The following DRC8 variants were observed in gnomAD, a reference collection of about 807,000 sequenced individuals.
The protein encoded by DRC8 is dynein regulatory complex protein 8.
At chr1:244,971,643 A>G in the DRC8 span, among the ~76,000 whole-genome samples, 3 of 152,176 alleles carry the variant, frequency 2.0e-5, no homozygotes, top group Non-Finnish European at 1.5e-5. Context: ...TGCTCAAAAC[A>G]CCCTCTCAAA....
the DRC8 span, among the ~76,000 whole-genome samples, chr1:244,997,482 C>G: frequency 6.6e-6 from 1 of 151,586 alleles, no homozygotes; most frequent in Non-Finnish European, 1.5e-5. Flanking sequence ...ATTGTTCTTT[C>G]ACCCTCATGT....
chr1:245,017,396 A>G, the DRC8 span: 1 of 1,444,384 alleles, frequency 6.9e-7, no homozygotes, highest in Non-Finnish European at 9.3e-7. Context: ...CAAGAGAGCT[A>G]TTTTCTCTTT....
chr1:244,969,822 G>A, the DRC8 span: 12 of 367,472 alleles, frequency 3.3e-5, no homozygotes, highest in Non-Finnish European at 5.8e-5. Flanking sequence ...GGGAGAAACC[G>A]GGAGGGCAGG....
At chr1:245,020,620 T>C in the DRC8 span, among the ~76,000 whole-genome samples, 295 of 138,742 alleles carry the variant, frequency 2.1e-3, 1 homozygote, top group African/African-American at 7.6e-3. Context: ...TTTCTTTTTT[T>C]TTTTTTTTTT....
chr1:245,068,307 A>T, the DRC8 span, among the ~76,000 whole-genome samples: 17 of 152,210 alleles, frequency 1.1e-4, no homozygotes, highest in Non-Finnish European at 1.8e-4. Context: ...ATTACAAAAA[A>T]TTTTAAATAA....
the DRC8 span, among the ~76,000 whole-genome samples, chr1:244,974,923 ATTTTTTTTATTTTTATTTT>A: frequency 6.7e-6 from 1 of 148,502 alleles, no homozygotes; most frequent in Non-Finnish European, 1.5e-5. Flanking sequence ...CAAACTCTTT[ATTTTTTTTATTTTTATTTT>A]TTTTTTGAGA....
chr1:245,103,733 G>A, the DRC8 span, among the ~76,000 whole-genome samples: 1,102 of 146,458 alleles, frequency 7.5e-3, 8 homozygotes, highest in Middle Eastern at 0.021. Flanking sequence ...AGAGGGGACC[G>A]GAGGAGGGTG....
chr1:245,090,549 T>C, the DRC8 span, among the ~76,000 whole-genome samples: 1 of 152,206 alleles, frequency 6.6e-6, no homozygotes, highest in Non-Finnish European at 1.5e-5. Flanking sequence ...TATTAAGTTA[T>C]CCCCATTTTA....
chr1:245,027,666 C>T, the DRC8 span, among the ~76,000 whole-genome samples: 1 of 152,098 alleles, frequency 6.6e-6, no homozygotes, highest in African/African-American at 2.4e-5. Flanking sequence ...ATTCTGTCTA[C>T]GTTTTCTCTC....
At chr1:245,004,332 CAA>C in the DRC8 span, among the ~76,000 whole-genome samples, 2 of 151,460 alleles carry the variant, frequency 1.3e-5, no homozygotes, top group African/African-American at 2.4e-5. Context: ...TTCTACAAAA[CAA>C]AATGAAAAAC....
the DRC8 span, among the ~76,000 whole-genome samples, chr1:244,978,033 CT>C: frequency 6.6e-6 from 1 of 152,154 alleles, no homozygotes; most frequent in Non-Finnish European, 1.5e-5. Flanking sequence ...TTCTACAAAA[CT>C]TTAAAAACCC....
the DRC8 span, among the ~76,000 whole-genome samples, chr1:245,005,108 C>T: frequency 8.5e-5 from 13 of 152,198 alleles, no homozygotes; most frequent in African/African-American, 2.6e-4. Flanking sequence ...TGTTCATTCT[C>T]GGGAGAAATC....
the DRC8 span, among the ~76,000 whole-genome samples, chr1:245,010,520 G>A: frequency 6.6e-6 from 1 of 152,140 alleles, no homozygotes; most frequent in Non-Finnish European, 1.5e-5. Flanking sequence ...TGCCATCGGA[G>A]CCTGTCGTGC....
the DRC8 span, among the ~76,000 whole-genome samples, chr1:244,978,735 C>T: frequency 6.6e-6 from 1 of 152,290 alleles, no homozygotes; most frequent in Admixed American, 6.5e-5. Context: ...GGCAATCCTA[C>T]CACCTTGGCC....
At chr1:245,096,300 C>A in the DRC8 span, among the ~76,000 whole-genome samples, 11 of 152,220 alleles carry the variant, frequency 7.2e-5, no homozygotes, top group Non-Finnish European at 1.5e-4. Flanking sequence ...AAAATAGGAA[C>A]TGGGGAAATA....
At chr1:244,992,048 T>C in the DRC8 span, among the ~76,000 whole-genome samples, 2 of 152,244 alleles carry the variant, frequency 1.3e-5, no homozygotes, top group East Asian at 3.8e-4. Flanking sequence ...TTCTTCTAAC[T>C]AGCAAACGCA....
At chr1:244,994,892 T>A in the DRC8 span, among the ~76,000 whole-genome samples, 1 of 152,338 alleles carries the variant, frequency 6.6e-6, no homozygotes, top group South Asian at 2.1e-4. Context: ...CTGTATTATG[T>A]TTTCCTGGCA....
At chr1:245,042,730 A>G in the DRC8 span, among the ~76,000 whole-genome samples, 2 of 151,206 alleles carry the variant, frequency 1.3e-5, no homozygotes, top group Admixed American at 6.6e-5. Context: ...TGTTTTGCCT[A>G]TTTTTTTTTG....
chr1:245,006,255 G>C, the DRC8 span, among the ~76,000 whole-genome samples: 1 of 151,966 alleles, frequency 6.6e-6, no homozygotes, highest in Non-Finnish European at 1.5e-5. Context: ...GGAGACTAAA[G>C]GCAAAAAGGC....
Sources: allele counts gnomAD v4.1 joint callset (sites outside exome capture counted in the v4.1 genomes callset), GRCh38; gene constraint gnomAD v4.1.1; transcripts MANE v1.5; gene names NCBI Gene and HGNC (gene_info 2026-07-23, HGNC 2026-07-21).